The following MIS18BP1 variants were observed in gnomAD, a reference collection of about 807,000 sequenced individuals.
MIS18BP1 encodes the protein MIS18 binding protein 1, also known as mis18-binding protein 1.
A neutral mutation model predicts 116.1 loss-of-function variants in MIS18BP1; 72 were observed. That is an observed-to-expected ratio of 0.62 (90% CI 0.51 to 0.75). The LOEUF (loss-of-function observed/expected upper bound fraction) is 0.75. MIS18BP1 is among the 30% of genes least tolerant of loss of function. The pLI is 0.00. For missense variants in MIS18BP1, 1,363 were observed against 1,303.2 expected (o/e 1.05, Z -0.71); for synonymous variants, 386 against 427.0 (o/e 0.90, Z 1.18).
chr14:45,228,964 GATA>G (rs1401315728), intron 8 of MIS18BP1, among the ~76,000 whole-genome samples: 3 of 151,804 alleles, frequency 2.0e-5, no homozygotes, highest in African/African-American at 4.8e-5. Flanking sequence ...AAAGTGCAAT[GATA>G]ATAATAAAAT....
chr14:45,205,982 C>A (rs187305003), intron 15 of MIS18BP1, 101 bp downstream of exon 15: 114 of 670,240 alleles, frequency 1.7e-4, no homozygotes, highest in Admixed American at 6.9e-4. Flanking sequence ...ACATTATAAT[C>A]ACCTCAGGGA....
At chr14:45,222,774 G>A (rs1355384216) in intron 11 of MIS18BP1, among the ~76,000 whole-genome samples, 1 of 152,092 alleles carries the variant, frequency 6.6e-6, no homozygotes, top group Admixed American at 6.5e-5. Flanking sequence ...CTCTTTCCGC[G>A]ATTTCTGGTT....
chr14:45,244,155 C>T (rs2750119), intron 2 of MIS18BP1, among the ~76,000 whole-genome samples: 31,941 of 151,980 alleles, frequency 0.21, 4,967 homozygotes, highest in African/African-American at 0.44. Flanking sequence ...GGCTTTCTAA[C>T]AGATACCTAT....
At chr14:45,244,308 A>T (rs955799634) in intron 2 of MIS18BP1, among the ~76,000 whole-genome samples, 1 of 152,178 alleles carries the variant, frequency 6.6e-6, no homozygotes, top group Non-Finnish European at 1.5e-5. Flanking sequence ...TACATGTAAA[A>T]TATCTTTCAT....
intron 1 of MIS18BP1, among the ~76,000 whole-genome samples, chr14:45,250,759 C>T (rs1356586353): frequency 1.3e-5 from 2 of 152,218 alleles, no homozygotes; most frequent in African/African-American, 2.4e-5. Flanking sequence ...CGGTGGCTCA[C>T]GCCTGTAATC....
chr14:45,210,620 C>T, intron 13 of MIS18BP1, 92 bp from the exon 14 acceptor site: 1 of 1,443,470 alleles, frequency 6.9e-7, no homozygotes, highest in Non-Finnish European at 9.6e-7. Flanking sequence ...TAAGTTGGTT[C>T]TTCTTGTAAC....
At chr14:45,250,738 C>T (rs1398713297) in intron 1 of MIS18BP1, among the ~76,000 whole-genome samples, 1 of 152,154 alleles carries the variant, frequency 6.6e-6, no homozygotes, top group Non-Finnish European at 1.5e-5. Flanking sequence ...AAGGGCTGGC[C>T]AGGCCGCGTG....
intron 13 of MIS18BP1, among the ~76,000 whole-genome samples, chr14:45,211,040 T>A (rs1348354628): frequency 6.6e-6 from 1 of 152,224 alleles, no homozygotes; most frequent in Non-Finnish European, 1.5e-5. Flanking sequence ...GTTTTAAAAC[T>A]TTTTTCTTTC....
At chr14:45,231,374 A>C (rs1343375133) in intron 7 of MIS18BP1, 76 bp from the exon 8 acceptor site, 2 of 1,291,698 alleles carry the variant, frequency 1.5e-6, no homozygotes, top group South Asian at 1.6e-5. Flanking sequence ...TTCATAAATA[A>C]ATAAAAACCC....
intron 1 of MIS18BP1, among the ~76,000 whole-genome samples, chr14:45,248,130 C>T (rs975128590): frequency 7.2e-6 from 1 of 138,432 alleles, no homozygotes; most frequent in African/African-American, 2.7e-5. Flanking sequence ...CAGTGGTGAT[C>T]TCAGCTCACC....
At chr14:45,226,653 G>T in intron 10 of MIS18BP1, 90 bp downstream of exon 10, 1 of 1,053,742 alleles carries the variant, frequency 9.5e-7, no homozygotes. Flanking sequence ...TTTTACATGA[G>T]GAAATTTACA....
At chr14:45,221,089 C>T (rs375238911) in intron 11 of MIS18BP1, among the ~76,000 whole-genome samples, 3 of 151,578 alleles carry the variant, frequency 2.0e-5, no homozygotes, top group African/African-American at 4.9e-5. Context: ...GAGCTGAGAT[C>T]GTACCACTGC....
At chr14:45,224,795 T>C in intron 10 of MIS18BP1, 49 bp from the exon 11 acceptor site, 1 of 1,256,020 alleles carries the variant, frequency 8.0e-7, no homozygotes. Context: ...AAATTAGCTA[T>C]AAACAAATAT....
chr14:45,214,939 C>T (rs763628783), intron 13 of MIS18BP1, among the ~76,000 whole-genome samples: 3 of 152,004 alleles, frequency 2.0e-5, no homozygotes, highest in Non-Finnish European at 4.4e-5. Context: ...TTAGTAGAGA[C>T]GGGGTTTCAC....
chr14:45,244,430 C>T (rs373359211), intron 2 of MIS18BP1, among the ~76,000 whole-genome samples: 1 of 151,982 alleles, frequency 6.6e-6, no homozygotes, highest in Non-Finnish European at 1.5e-5. Context: ...ACTTCACAAT[C>T]CCTCATCTCC....
In MIS18BP1 at chr14:45,242,142, T is replaced by G. The variant is rs1891594106; in HGVS notation, c.1035A>C (p.Ala345=). Residue 345 remains alanine (A), a synonymous_variant, in exon 4 of 17, where the codon GCA becomes GCC. Transcript: ENST00000310806. Reference sequence around the variant, plus strand: ...GTATTGTTATATGAAGTCTTGGTGTTGCAAGTACAATTTTACATGTATCTT... The same window carrying G: ...GTATTGTTATATGAAGTCTTGGTGTGGCAAGTACAATTTTACATGTATCTT... ...SMKDTCKIVL[A]TPRLHITIPR... The G allele has an allele frequency of 2.5e-6, 4 of 1,614,032 alleles. No homozygotes were observed. The highest frequency in any genetic ancestry group is 3.4e-6 in the Non-Finnish European group (4 of 1,180,006).
intron 15 of MIS18BP1, among the ~76,000 whole-genome samples, chr14:45,204,705 C>T (rs1890464315): frequency 6.6e-6 from 1 of 151,932 alleles, no homozygotes; most frequent in Admixed American, 6.6e-5. Flanking sequence ...TAAACTAATG[C>T]TATAGCAGTT....
chr14:45,238,978 A>G (rs183195504), intron 4 of MIS18BP1, among the ~76,000 whole-genome samples: 1 of 152,316 alleles, frequency 6.6e-6, no homozygotes, highest in Non-Finnish European at 1.5e-5. Context: ...GTAAAAAATT[A>G]TAGGTAGGAC....
At chr14:45,242,928 A>G in intron 2 of MIS18BP1, 54 bp from the exon 3 acceptor site, 1 of 1,174,604 alleles carries the variant, frequency 8.5e-7, no homozygotes, top group Non-Finnish European at 1.2e-6. Context: ...AGTCACTAAG[A>G]AAAAAACAGC....
Sources: allele counts gnomAD v4.1 joint callset (sites outside exome capture counted in the v4.1 genomes callset), GRCh38; gene constraint gnomAD v4.1.1; transcripts MANE v1.5; gene names NCBI Gene and HGNC (gene_info 2026-07-23, HGNC 2026-07-21).